COL4A2: variants seen among roughly 807,000 people sequenced by gnomAD.
COL4A2 encodes the protein collagen type IV alpha 2 chain.
A neutral mutation model predicts 200.2 loss-of-function variants in COL4A2; 99 were observed. That is an observed-to-expected ratio of 0.49 (90% CI 0.42 to 0.58). The LOEUF is 0.58. COL4A2 is among the 20% of genes least tolerant of loss of function. The probability of loss-of-function intolerance (pLI) is 0.00; values close to 1 mark genes in which losing one functional copy is unlikely to be tolerated. For synonymous variants in COL4A2, 897 were observed against 900.6 expected (o/e 1.00, Z 0.07); for missense variants, 1,950 against 2,314.1 (o/e 0.84, Z 3.23).
chr13:110,362,141 G>A (rs1323068308), intron 4 of COL4A2, among the ~76,000 whole-genome samples: 2 of 152,322 alleles, frequency 1.3e-5, no homozygotes, highest in South Asian at 2.1e-4. Flanking sequence ...TTATGCAAGA[G>A]TTATGGTTCC....
chr13:110,341,359 G>A (rs113166855), intron 3 of COL4A2, among the ~76,000 whole-genome samples: 78 of 152,354 alleles, frequency 5.1e-4, no homozygotes, highest in African/African-American at 1.7e-3. Flanking sequence ...GACTAAGGGT[G>A]GCTGTGGGAC....
intron 16 of COL4A2, among the ~76,000 whole-genome samples, chr13:110,443,528 TC>T (rs1410076260): frequency 6.6e-6 from 1 of 152,200 alleles, no homozygotes; most frequent in Admixed American, 6.5e-5. Context: ...AATCAGAACT[TC>T]CTATGAATCA....
At chr13:110,505,406 A>C (rs1256591605) in intron 45 of COL4A2, among the ~76,000 whole-genome samples, 1 of 152,202 alleles carries the variant, frequency 6.6e-6, no homozygotes, top group African/African-American at 2.4e-5. Context: ...AGTCAAAGGA[A>C]ATAGCAGTCC....
chr13:110,459,917 A>G (rs1881957058), intron 22 of COL4A2, among the ~76,000 whole-genome samples: 1 of 152,206 alleles, frequency 6.6e-6, no homozygotes, highest in South Asian at 2.1e-4. Context: ...TGTGGACCCC[A>G]CACACATCAG....
At chr13:110,390,287 C>T (rs1296959005) in intron 4 of COL4A2, among the ~76,000 whole-genome samples, 1 of 152,236 alleles carries the variant, frequency 6.6e-6, no homozygotes, top group African/African-American at 2.4e-5. Flanking sequence ...AGGACCAGGG[C>T]TCTTGAGCTC....
In COL4A2 at chr13:110,506,551, T is replaced by C. The variant is rs767335523; in HGVS notation, c.4539T>C (p.Ser1513=). The C allele has an allele frequency of 1.8e-5, 29 of 1,612,850 alleles. No homozygotes were observed. Among genetic ancestry groups the C allele is most frequent in the Non-Finnish European group, 2.5e-5 (29 of 1,179,712 alleles). The change falls in exon 46 of 48, where the codon AGT becomes AGC. Residue 1513 remains serine (S), a synonymous_variant. Transcript: ENST00000360467. ...MCPVGMNKLW[S]GYSLLYFEGQ... is the part of the protein sequence containing the mutation. ...CAGTGGGCATGAACAAACTCTGGAG[T>C]GGATACAGCCTGCTGTACTTCGAGG...
At chr13:110,364,420 T>C (rs1327170149) in intron 4 of COL4A2, among the ~76,000 whole-genome samples, 4 of 152,182 alleles carry the variant, frequency 2.6e-5, no homozygotes, top group Admixed American at 2.6e-4. Flanking sequence ...AGTGGTTCTT[T>C]TGACATAAAA....
chr13:110,455,152 C>T (rs1023483406), intron 20 of COL4A2, among the ~76,000 whole-genome samples: 2 of 152,154 alleles, frequency 1.3e-5, no homozygotes, highest in African/African-American at 2.4e-5. Flanking sequence ...GTCGTCCACA[C>T]GGCAGACTCA....
chr13:110,328,198 G>A (rs1334485426), intron 3 of COL4A2, among the ~76,000 whole-genome samples: 6 of 152,264 alleles, frequency 3.9e-5, no homozygotes, highest in African/African-American at 1.2e-4. Flanking sequence ...AAAATCAAAC[G>A]TTCTTGATAA....
chr13:110,316,925 C>CA (rs1169461981), intron 3 of COL4A2, among the ~76,000 whole-genome samples: 5 of 151,922 alleles, frequency 3.3e-5, no homozygotes, highest in Admixed American at 6.6e-5. Context: ...AATATGTTAT[C>CA]AATCTACATG....
At position 110,511,942 on chromosome 13, in the gene COL4A2, G is replaced by A. The variant is rs372282008; in HGVS notation, c.4890G>A (p.Ala1630=). ...WIGYSFLMHT[A]AGDEGGGQSL... Reference sequence around the variant, plus strand: ...CCCCCCTCTCTGTGCAGCACACGGCGGCGGGAGACGAAGGCGGTGGCCAAT... The same window carrying A: ...CCCCCCTCTCTGTGCAGCACACGGCAGCGGGAGACGAAGGCGGTGGCCAAT... The change falls in exon 48 of 48, where the codon GCG becomes GCA. Residue 1630 remains alanine, a synonymous_variant. Transcript: ENST00000360467. 1.2e-5 allele frequency: 20 copies of A among 1,613,396 alleles called. No individual in the cohort carries two copies. The South Asian group carries it at 1.3e-4, about 11-fold the overall frequency.
At chr13:110,409,101 C>G (rs1450383239) in intron 4 of COL4A2, among the ~76,000 whole-genome samples, 1 of 95,656 alleles carries the variant, frequency 1.0e-5, no homozygotes, top group Non-Finnish European at 2.1e-5. Context: ...CACACGGACA[C>G]ATACACATAA....
At chr13:110,384,338 G>A (rs1480219921) in intron 4 of COL4A2, among the ~76,000 whole-genome samples, 2 of 152,140 alleles carry the variant, frequency 1.3e-5, no homozygotes, top group Non-Finnish European at 2.9e-5. Flanking sequence ...TAAAACAGAG[G>A]AAGTCCAAGG....
At chr13:110,460,864 G>C (rs1881998882) in intron 22 of COL4A2, among the ~76,000 whole-genome samples, 1 of 152,198 alleles carries the variant, frequency 6.6e-6, no homozygotes, top group South Asian at 2.1e-4. Context: ...TGGTCTGTGT[G>C]TGAGGAACTC....
intron 45 of COL4A2, among the ~76,000 whole-genome samples, chr13:110,504,846 G>C (rs1027645011): frequency 1.3e-5 from 2 of 151,950 alleles, no homozygotes; most frequent in Non-Finnish European, 2.9e-5. Context: ...GACCTCGAGC[G>C]ATCCGCCAGC....
At chr13:110,412,007 G>A (rs1439303113) in intron 4 of COL4A2, among the ~76,000 whole-genome samples, 5 of 152,194 alleles carry the variant, frequency 3.3e-5, no homozygotes. Context: ...GAGTAAAAAT[G>A]TCAGCTGCTG....
chr13:110,387,580 C>G (rs1218225161), intron 4 of COL4A2, among the ~76,000 whole-genome samples: 3 of 152,234 alleles, frequency 2.0e-5, no homozygotes, highest in African/African-American at 4.8e-5. Context: ...TCGGGGGCCC[C>G]GAGCTGGGGA....
rs1477179392 is a variant in COL4A2, at chr13:110,355,837, GTGTGGGGGGGAGGGCTGTACTAGCTCACC to G, written c.100-1630_100-1602del. ...GGGAGGGCTGCACTAGCTCACCTGT[GTGTGGGGGGGAGGGCTGTACTAGCTCACC>G]TGTGTGGGGGCTGAGGGCTGCACTA... On this transcript the variant is annotated intron_variant, in intron 3 of 47. Transcript: ENST00000360467. Among the ~76,000 whole-genome samples the G allele has an allele frequency of 1.2e-3, 13 of 11,220 alleles. 2 individuals are homozygous for G. The highest frequency in any genetic ancestry group is 2.1e-3 in the Non-Finnish European group (10 of 4,870). 7.4% of individuals were successfully genotyped at this position (11,220 alleles called of 152,430 possible). A position where few individuals can be genotyped will look rare whatever the true frequency, so the allele number is the denominator to read the frequency against.
intron 3 of COL4A2, among the ~76,000 whole-genome samples, chr13:110,335,266 G>A (rs536453786): frequency 1.8e-4 from 27 of 152,234 alleles, no homozygotes; most frequent in East Asian, 5.8e-4. Context: ...TCCTGCTGTG[G>A]TTTGGCTCTG....
Sources: allele counts gnomAD v4.1 joint callset (sites outside exome capture counted in the v4.1 genomes callset), GRCh38; gene constraint gnomAD v4.1.1; transcripts MANE v1.5; gene names NCBI Gene and HGNC (gene_info 2026-07-23, HGNC 2026-07-21).